Variants in CNIH3 observed in about 807,000 individuals in gnomAD.
The protein encoded by CNIH3 is protein cornichon homolog 3.
A neutral mutation model predicts 24.1 loss-of-function variants in CNIH3; 14 were observed. The observed-to-expected ratio is 0.58, with a 90% CI of 0.38 to 0.91. The LOEUF (loss-of-function observed/expected upper bound fraction) is 0.91, where lower values mean the gene tolerates loss of function less well. CNIH3 is among the 40% of genes least tolerant of loss of function. CNIH3 has a pLI of 0.00. For synonymous variants in CNIH3, 68 were observed against 73.8 expected, an observed-to-expected ratio of 0.92 and a Z score of 0.40; for missense variants, 178 against 196.8, an observed-to-expected ratio of 0.90 and a Z score of 0.57.
chr1:224,573,052 T>C (rs1469737543), intron 4 of CNIH3, among the ~76,000 whole-genome samples: 3 of 152,230 alleles, frequency 2.0e-5, no homozygotes, highest in Non-Finnish European at 2.9e-5. Context: ...ATTGTTGACA[T>C]ACAATTATTC....
At position 224,739,339 on chromosome 1, in the gene CNIH3, A is replaced by G; in HGVS notation, c.466A>G (p.Thr156Ala). Residue 156 changes from threonine (T) to alanine (A), a missense_variant, in exon 6 of 6, where the codon ACT (threonine) becomes GCT (alanine). Coordinates refer to ENST00000272133, the MANE Select transcript of CNIH3 (RefSeq NM_152495.2). ...TTTTTTTGCATTCAGCATGATCTAC[A>G]CTTTAGTGAGCTCTTAACGCAAAGA... Reference protein sequence around the residue: ...FFYYLYCMIYTLVSS With the variant: ...FFYYLYCMIYALVSS The G allele has an allele frequency of 1.4e-6, 2 of 1,466,620 alleles. No homozygotes were observed. The highest frequency in any genetic ancestry group is 1.8e-6 in the Non-Finnish European group (2 of 1,097,222). 90.9% of individuals were successfully genotyped at this position (1,466,620 alleles called of 1,614,324 possible). A position where few individuals can be genotyped will look rare whatever the true frequency, so the allele number is the denominator to read the frequency against.
At chr1:224,497,107 G>A (rs1023780264) in intron 1 of CNIH3, among the ~76,000 whole-genome samples, 1 of 152,174 alleles carries the variant, frequency 6.6e-6, no homozygotes, top group Non-Finnish European at 1.5e-5. Flanking sequence ...TGCAGTGAAA[G>A]AAGCCAGTCA....
intron 1 of CNIH3, among the ~76,000 whole-genome samples, chr1:224,436,105 A>G (rs976684150): frequency 1.3e-5 from 2 of 152,208 alleles, no homozygotes; most frequent in Non-Finnish European, 2.9e-5. Flanking sequence ...AGGAAGGTCA[A>G]TGCAGGATCT....
chr1:224,487,235 C>T (rs1233217690), intron 1 of CNIH3, among the ~76,000 whole-genome samples: 3 of 152,292 alleles, frequency 2.0e-5, no homozygotes, highest in Non-Finnish European at 4.4e-5. Context: ...CCTATCAGAC[C>T]AGTACAACCA....
At chr1:224,437,312 T>C (rs2102938487) in intron 1 of CNIH3, among the ~76,000 whole-genome samples, 1 of 152,350 alleles carries the variant, frequency 6.6e-6, no homozygotes, top group South Asian at 2.1e-4. Context: ...AATAGAGACC[T>C]GTTAAAAACG....
At chr1:224,666,531 G>C (rs1359114864) in intron 1 of CNIH3, among the ~76,000 whole-genome samples, 1 of 152,200 alleles carries the variant, frequency 6.6e-6, no homozygotes, top group African/African-American at 2.4e-5. Flanking sequence ...TTTTTCTGCA[G>C]GTGATCATTA....
At chr1:224,561,314 C>A (rs1680364911) in intron 3 of CNIH3, among the ~76,000 whole-genome samples, 1 of 151,986 alleles carries the variant, frequency 6.6e-6, no homozygotes, top group Non-Finnish European at 1.5e-5. Flanking sequence ...ATGAATTTTC[C>A]TATATATAAT....
At chr1:224,698,040 ATGGGACTTG>A (rs1687268313) in intron 3 of CNIH3, among the ~76,000 whole-genome samples, 1 of 152,150 alleles carries the variant, frequency 6.6e-6, no homozygotes, top group Non-Finnish European at 1.5e-5. Flanking sequence ...TGTAACTTCT[ATGGGACTTG>A]TTATTCCTTA....
intron 2 of CNIH3, among the ~76,000 whole-genome samples, chr1:224,527,299 C>G (rs758376723): frequency 1.3e-5 from 2 of 152,110 alleles, no homozygotes; most frequent in Non-Finnish European, 2.9e-5. Flanking sequence ...TGTAAATAAC[C>G]GCATTTATCA....
chr1:224,530,410 T>G (rs2124929713), intron 2 of CNIH3, among the ~76,000 whole-genome samples: 1 of 152,266 alleles, frequency 6.6e-6, no homozygotes, highest in African/African-American at 2.4e-5. Flanking sequence ...TAACTAAAAT[T>G]TGTGTGTTCT....
upstream of CNIH3, among the ~76,000 whole-genome samples, chr1:224,511,661 C>A (rs1678155937): frequency 6.7e-6 from 1 of 150,290 alleles, no homozygotes; most frequent in Admixed American, 6.6e-5. Flanking sequence ...TGCAACCAGA[C>A]TGGGCAACAT....
intron 1 of CNIH3, among the ~76,000 whole-genome samples, chr1:224,467,394 C>T (rs1377060568): frequency 2.0e-5 from 3 of 151,942 alleles, no homozygotes; most frequent in Non-Finnish European, 2.9e-5. Flanking sequence ...TTAAGAGGTC[C>T]AATTTATCAA....
intron 1 of CNIH3, among the ~76,000 whole-genome samples, chr1:224,619,468 T>C (rs1438002873): frequency 1.3e-5 from 2 of 152,222 alleles, no homozygotes; most frequent in Non-Finnish European, 2.9e-5. Flanking sequence ...ATTACGGTAA[T>C]AATTTCATAG....
At chr1:224,568,534 A>T (rs1207396161) in intron 4 of CNIH3, among the ~76,000 whole-genome samples, 1 of 152,242 alleles carries the variant, frequency 6.6e-6, no homozygotes, top group East Asian at 1.9e-4. Flanking sequence ...AGGCAGGAGG[A>T]TTGCTTGAGG....
chr1:224,539,147 G>C (rs779760679), downstream of CNIH3, among the ~76,000 whole-genome samples: 4 of 152,102 alleles, frequency 2.6e-5, no homozygotes, highest in Non-Finnish European at 5.9e-5. Context: ...CTAAAACTTA[G>C]CACACTTAAT....
intron 1 of CNIH3, among the ~76,000 whole-genome samples, chr1:224,638,668 T>G (rs1684209991): frequency 6.6e-6 from 1 of 152,172 alleles, no homozygotes; most frequent in Non-Finnish European, 1.5e-5. Context: ...GACTCTGAAT[T>G]TTTAGCTCCC....
At chr1:224,534,706 T>C (rs1312101530) in intron 2 of CNIH3, among the ~76,000 whole-genome samples, 1 of 152,194 alleles carries the variant, frequency 6.6e-6, no homozygotes, top group Non-Finnish European at 1.5e-5. Context: ...CAGGAGAGTC[T>C]AAACATAGCT....
chr1:224,739,584 C>A lies in CNIH3; in HGVS notation c.*228C>A. 1.3e-6 allele frequency: 1 copy of A among 747,898 alleles called. No homozygotes were observed. Among genetic ancestry groups the A allele is most frequent in the Non-Finnish European group, 2.1e-6 (1 of 470,938 alleles). 46.3% of individuals were successfully genotyped at this position (747,898 alleles called of 1,614,324 possible). ...CAATCTTTGGCATTCGAATTCCACA[C>A]ACGGGGTCCTAGAGCCCTTCTGAGC... is the stretch of plus-strand genomic sequence containing the variant. On this transcript the variant is annotated 3_prime_UTR_variant, in exon 6 of 6. Transcript: ENST00000272133.
chr1:224,479,185 C>G (rs1676705728), intron 1 of CNIH3, among the ~76,000 whole-genome samples: 1 of 109,224 alleles, frequency 9.2e-6, no homozygotes, highest in Admixed American at 1.2e-4. Flanking sequence ...CAGAGTTTCA[C>G]ACTTGTTGCC....
Sources: allele counts gnomAD v4.1 joint callset (sites outside exome capture counted in the v4.1 genomes callset), GRCh38; gene constraint gnomAD v4.1.1; transcripts MANE v1.5; gene names NCBI Gene and HGNC (gene_info 2026-07-23, HGNC 2026-07-21).